The following MAPK10 variants were observed in gnomAD, a reference collection of about 807,000 sequenced individuals.
MAPK10 encodes mitogen-activated protein kinase 10.
In MAPK10, 25 loss-of-function variants were observed where a neutral mutation model predicts 59.3. That is an observed-to-expected ratio of 0.42 (90% confidence interval 0.31 to 0.59). The LOEUF is 0.59. Ranked by LOEUF, MAPK10 falls within the 20% of genes least tolerant of loss-of-function variation. MAPK10 has a pLI of 0.15. For synonymous variants in MAPK10, 190 were observed against 200.5 expected (o/e 0.95, Z 0.44); for missense variants, 351 against 568.9 (o/e 0.62, Z 3.90).
At chr4:86,303,789 G>A (rs1170171211) in intron 2 of MAPK10, among the ~76,000 whole-genome samples, 1 of 152,118 alleles carries the variant, frequency 6.6e-6, no homozygotes, top group Non-Finnish European at 1.5e-5. Context: ...ATTTATAACC[G>A]CTACTGGACA....
rs566734495 is a variant in MAPK10 at position 86,029,184 on chromosome 4, G to A, written c.1252+13C>T. 34 of 1,581,638 alleles carry A rather than the reference G, an allele frequency of 2.1e-5. No individual in the cohort carries two copies. The highest frequency in any genetic ancestry group is 9.0e-5 in the East Asian group (4 of 44,608). ...AAGTACTAGTTTATTGGTTATTCAC[G>A]GAGAGTGAGTACCTGAAGGAGAAGG... On this transcript the variant is annotated intron_variant, in intron 13 of 13. Coordinates refer to ENST00000641462, the MANE Select transcript of MAPK10 (RefSeq NM_138982.4).
upstream of MAPK10, among the ~76,000 whole-genome samples, chr4:86,456,353 T>C (rs1194134710): frequency 6.6e-6 from 1 of 151,676 alleles, no homozygotes; most frequent in Admixed American, 6.6e-5. Context: ...ACAAAAAAGA[T>C]AAGTAAAACA....
chr4:86,048,546 G>A (rs1253494597), intron 11 of MAPK10, among the ~76,000 whole-genome samples: 1 of 152,018 alleles, frequency 6.6e-6, no homozygotes, highest in East Asian at 1.9e-4. Context: ...TTGCACTTTT[G>A]CCCTACAGTC....
intron 2 of MAPK10, among the ~76,000 whole-genome samples, chr4:86,346,048 T>G (rs1727997196): frequency 6.6e-6 from 1 of 152,230 alleles, no homozygotes; most frequent in Non-Finnish European, 1.5e-5. Context: ...AAACAGAATG[T>G]GTTTTGGTTC....
intron 2 of MAPK10, among the ~76,000 whole-genome samples, chr4:86,346,414 T>C (rs919065843): frequency 1.3e-5 from 2 of 152,208 alleles, no homozygotes; most frequent in Admixed American, 6.5e-5. Flanking sequence ...ATAGTTATTA[T>C]ACTGTATTGT....
intron 2 of MAPK10, among the ~76,000 whole-genome samples, chr4:86,303,423 T>A (rs2095504980): frequency 6.6e-6 from 1 of 151,804 alleles, no homozygotes; most frequent in Admixed American, 6.6e-5. Flanking sequence ...AAGGAAGAAG[T>A]GATATAAAGA....
intron 2 of MAPK10, among the ~76,000 whole-genome samples, chr4:86,229,158 G>A (rs1358047673): frequency 6.6e-6 from 1 of 152,110 alleles, no homozygotes; most frequent in Admixed American, 6.5e-5. Flanking sequence ...ATACCAATGG[G>A]AAGAGCAAAG....
chr4:86,118,111 G>T (rs1183274628), intron 4 of MAPK10: 1 of 152,122 alleles, frequency 6.6e-6, no homozygotes, highest in East Asian at 1.9e-4. Context: ...TCTGTCTTCT[G>T]CCATGAACCT....
intron 11 of MAPK10, among the ~76,000 whole-genome samples, chr4:86,035,083 C>G (rs1395997911): frequency 6.6e-6 from 1 of 151,860 alleles, no homozygotes; most frequent in Non-Finnish European, 1.5e-5. Context: ...CAAGGATGAT[C>G]CAGGGGGCCA....
At chr4:86,555,946 A>C (rs1760235261) in intron 1 of MAPK10, among the ~76,000 whole-genome samples, 1 of 152,240 alleles carries the variant, frequency 6.6e-6, no homozygotes, top group African/African-American at 2.4e-5. Flanking sequence ...TCATTAATAA[A>C]GTGGTTTAAT....
chr4:86,202,435 A>G (rs2082843615), intron 2 of MAPK10, among the ~76,000 whole-genome samples: 1 of 151,962 alleles, frequency 6.6e-6, no homozygotes, highest in African/African-American at 2.4e-5. Flanking sequence ...TAATCTTCAC[A>G]ACCCCAGGGC....
intron 1 of MAPK10, among the ~76,000 whole-genome samples, chr4:86,588,629 T>C (rs1038977907): frequency 1.3e-5 from 2 of 152,172 alleles, no homozygotes; most frequent in Non-Finnish European, 2.9e-5. Context: ...TATCTGGTCA[T>C]GTATATAAAT....
intron 11 of MAPK10, among the ~76,000 whole-genome samples, chr4:86,041,208 C>T (rs538945309): frequency 6.6e-6 from 1 of 152,204 alleles, no homozygotes; most frequent in South Asian, 2.1e-4. Flanking sequence ...CTTCGACAAA[C>T]CTGACAAAAA....
chr4:86,329,671 G>A (rs1453337271), intron 2 of MAPK10, among the ~76,000 whole-genome samples: 1 of 152,122 alleles, frequency 6.6e-6, no homozygotes, highest in Non-Finnish European at 1.5e-5. Context: ...TCTGCCATAT[G>A]CTTATGCAGA....
At chr4:86,592,698 G>T (rs1301865435) in intron 1 of MAPK10, among the ~76,000 whole-genome samples, 2 of 152,154 alleles carry the variant, frequency 1.3e-5, no homozygotes, top group Non-Finnish European at 2.9e-5. Flanking sequence ...AAGGAGCCTG[G>T]CCTGTTATTT....
intron 1 of MAPK10, among the ~76,000 whole-genome samples, chr4:86,451,667 G>A (rs1383719014): frequency 2.6e-5 from 4 of 152,186 alleles, no homozygotes; most frequent in African/African-American, 2.4e-5. Flanking sequence ...AATCCCACAG[G>A]AGCCCCAGTG....
intron 12 of MAPK10, among the ~76,000 whole-genome samples, chr4:86,030,340 A>T (rs1165855893): frequency 6.6e-6 from 1 of 151,922 alleles, no homozygotes; most frequent in African/African-American, 2.4e-5. Context: ...TTACATATAT[A>T]TATAGAGAGA....
At chr4:86,359,567 T>C in intron 1 of MAPK10, 91 bp downstream of exon 1, 1 of 500,350 alleles carries the variant, frequency 2.0e-6, no homozygotes, top group Non-Finnish European at 2.6e-6. Flanking sequence ...TCTTCCATAC[T>C]CCCTCTCCCG....
intron 1 of MAPK10, among the ~76,000 whole-genome samples, chr4:86,387,869 C>T (rs1305183243): frequency 6.6e-6 from 1 of 151,762 alleles, no homozygotes; most frequent in African/African-American, 2.4e-5. Context: ...AATACTATTA[C>T]TACTTGAGTA....
Sources: allele counts gnomAD v4.1 joint callset (sites outside exome capture counted in the v4.1 genomes callset), GRCh38; gene constraint gnomAD v4.1.1; transcripts MANE v1.5; gene names NCBI Gene and HGNC (gene_info 2026-07-23, HGNC 2026-07-21).